GTF2H5: variants seen among roughly 807,000 people sequenced by gnomAD.
GTF2H5 encodes general transcription factor IIH subunit 5.
GTF2H5 carries 5 observed loss-of-function variants against 7.1 expected under a neutral mutation model. The observed-to-expected ratio is 0.71, with a 90% CI of 0.37 to 1.49. GTF2H5 has a LOEUF of 1.49. GTF2H5 is among the 40% of genes most tolerant of loss of function. The pLI, the probability that GTF2H5 is intolerant of heterozygous loss-of-function variation, is 0.03. For missense variants in GTF2H5, 80 were observed against 83.0 expected (o/e 0.96, Z 0.14); for synonymous variants, 30 against 31.7 (o/e 0.95, Z 0.18).
Position 158,170,450 on chromosome 6 carries a change from T to G in GTF2H5, c.-34-20T>G, listed in dbSNP as rs981983217. The G allele has an allele frequency of 3.3e-5, 47 of 1,425,324 alleles. No individual in the cohort carries two copies. Among genetic ancestry groups the G allele is most frequent in the Non-Finnish European group, 4.1e-5 (41 of 1,008,672 alleles). The allele number at this position is 1,425,324 out of a possible 1,614,324, so 88.3% of individuals were successfully genotyped here. On this transcript the variant is annotated intron_variant, in intron 1 of 2. Coordinates refer to ENST00000607778, the MANE Select transcript of GTF2H5 (RefSeq NM_207118.3). The stretch of plus-strand genomic sequence containing the variant: ...AAGTTAATGATTTTTAATTTAATGT[T>G]ACCTTACTCTTTTTATTAGCATTCT...
intron 2 of GTF2H5, 149 bp downstream of exon 2, chr6:158,170,687 C>T: frequency 1.5e-6 from 1 of 677,976 alleles, no homozygotes; most frequent in East Asian, 2.7e-5. Context: ...TGTTGCAAAG[C>T]TCCTGGTGCC....
In GTF2H5 at chr6:158,169,457, A is replaced by ATTG. The variant is rs1583624002; in HGVS notation, c.-34-1012_-34-1011insTGT. Among the ~76,000 whole-genome samples, 6 of 64,180 alleles carry ATTG rather than the reference A, an allele frequency of 9.3e-5. 1 individual carries two copies. In the East Asian group the frequency reaches 2.4e-3, roughly 26 times the overall value. 42.1% of individuals were successfully genotyped at this position (64,180 alleles called of 152,430 possible). A position where few individuals can be genotyped will look rare whatever the true frequency, so the allele number is the denominator to read the frequency against. ...GTATATTATATATATTATATATTATATATATTATATTGTATATTATATATA... is the reference window on the plus strand; with the variant it reads ...GTATATTATATATATTATATATTATATTGTATATTATATTGTATATTATATATA... On this transcript the variant is annotated intron_variant, in intron 1 of 2. Transcript: ENST00000607778.
intron 2 of GTF2H5, among the ~76,000 whole-genome samples, chr6:158,187,654 G>A (rs1003622076): frequency 4.6e-5 from 7 of 152,060 alleles, no homozygotes; most frequent in Admixed American, 2.0e-4. Flanking sequence ...TGCAAGCTCC[G>A]CCTCCCAGGT....
rs141529560 is a variant in GTF2H5, at chr6:158,182,051, C to T, written c.36-9926C>T. 3.9e-3 allele frequency among the ~76,000 whole-genome samples: 593 copies of T among 152,278 alleles called. 6 individuals carry two copies. The highest frequency in any genetic ancestry group is 0.014 in the African/African-American group (568 of 41,558). ...CCATGTTTAGTGTTTCCTTCAGGAG[C>T]TCTTGTAAGACAGGCCTGATGGTGA... On this transcript the variant is annotated intron_variant, in intron 2 of 2. Transcript: ENST00000607778.
rs1777146965 is a variant in GTF2H5 at position 158,198,517 on chromosome 6, C to G, written c.*6360C>G. On this transcript the variant is annotated 3_prime_UTR_variant, in exon 3 of 3. Coordinates refer to ENST00000607778, the MANE Select transcript of GTF2H5 (RefSeq NM_207118.3). ...GCGCAAACTCGGCTCACTGCAACCT[C>G]CCAGGTTCAAGCAATTCTCGTGCCT... The G allele has an allele frequency of 6.6e-6, 1 of 152,232 alleles. No individual in the cohort carries two copies. The highest frequency in any genetic ancestry group is 1.5e-5 in the Non-Finnish European group (1 of 68,052). The allele number at this position is 152,232 out of a possible 1,614,324, so 9.4% of individuals were successfully genotyped here. A position where few individuals can be genotyped will look rare whatever the true frequency, so the allele number is the denominator to read the frequency against.
chr6:158,198,857 T>A lies in GTF2H5; in HGVS notation c.*6700T>A, dbSNP rs1361543602. The A allele has an allele frequency of 6.6e-6, 1 of 152,212 alleles. No homozygotes were observed. Among genetic ancestry groups the A allele is most frequent in the African/African-American group, 2.4e-5 (1 of 41,452 alleles). The allele number at this position is 152,212 out of a possible 1,614,324, so 9.4% of individuals were successfully genotyped here. On this transcript the variant is annotated 3_prime_UTR_variant, in exon 3 of 3. Coordinates refer to ENST00000607778, the MANE Select transcript of GTF2H5 (RefSeq NM_207118.3). ...CCTGCAGTTAATTATTTCTTTGAAATTTTAAAACTTCTTAATGTTGCCTGG... is the reference window on the plus strand; with the variant it reads ...CCTGCAGTTAATTATTTCTTTGAAAATTTAAAACTTCTTAATGTTGCCTGG...
intron 1 of GTF2H5, among the ~76,000 whole-genome samples, chr6:158,169,945 A>G (rs1028477266): frequency 6.0e-5 from 9 of 150,392 alleles, no homozygotes; most frequent in African/African-American, 2.2e-4. Context: ...GCTTGAACCC[A>G]GGAGGCAAGA....
At chr6:158,177,179 T>A (rs1240772951) in intron 2 of GTF2H5, among the ~76,000 whole-genome samples, 1 of 152,218 alleles carries the variant, frequency 6.6e-6, no homozygotes, top group African/African-American at 2.4e-5. Context: ...TTTAAACCTC[T>A]CTGCCTATAT....
At chr6:158,172,740 C>G (rs1785874749) in intron 2 of GTF2H5, among the ~76,000 whole-genome samples, 1 of 152,162 alleles carries the variant, frequency 6.6e-6, no homozygotes, top group African/African-American at 2.4e-5. Context: ...TTCATCCCTT[C>G]CCACATTCAT....
intron 2 of GTF2H5, among the ~76,000 whole-genome samples, chr6:158,178,120 G>T (rs1325526737): frequency 1.3e-5 from 2 of 152,100 alleles, no homozygotes; most frequent in Non-Finnish European, 2.9e-5. Flanking sequence ...GGTATTTCTA[G>T]TTCTAGATCC....
intron 1 of GTF2H5, among the ~76,000 whole-genome samples, chr6:158,169,585 A>G (rs190950320): frequency 2.3e-5 from 2 of 88,742 alleles, no homozygotes; most frequent in Non-Finnish European, 1.9e-5. Context: ...TATTATATAT[A>G]ATATATTGTA....
chr6:158,188,458 C>T (rs1384923376), intron 2 of GTF2H5, among the ~76,000 whole-genome samples: 1 of 152,180 alleles, frequency 6.6e-6, no homozygotes, highest in African/African-American at 2.4e-5. Context: ...GCAATATCAT[C>T]GGGAAGCACC....
At position 158,197,564 on chromosome 6, in the gene GTF2H5, T is replaced by C. The variant is rs1405456196; in HGVS notation, c.*5407T>C. 6.6e-6 allele frequency: 1 copy of C among 152,230 alleles called. No individual in the cohort carries two copies. The allele number at this position is 152,230 out of a possible 1,614,324, so 9.4% of individuals were successfully genotyped here. On this transcript the variant is annotated 3_prime_UTR_variant, in exon 3 of 3. Coordinates refer to ENST00000607778, the MANE Select transcript of GTF2H5 (RefSeq NM_207118.3). ...AGCAAAGGTCATGGTAACAGTTTTTTGGATCCTCAAGTCATTTTGCTTGTT... is the reference window on the plus strand; with the variant it reads ...AGCAAAGGTCATGGTAACAGTTTTTCGGATCCTCAAGTCATTTTGCTTGTT...
chr6:158,199,240 T>C lies in GTF2H5; in HGVS notation c.*7083T>C, dbSNP rs1434876461. The stretch of plus-strand genomic sequence containing the variant: ...TTAAGTACAGTGTTCACTCTTTGGG[T>C]AATGTGTACAATAGAAGCCCAATCC... On this transcript the variant is annotated 3_prime_UTR_variant, in exon 3 of 3. Transcript: ENST00000607778. 6.6e-6 allele frequency: 1 copy of C among 151,380 alleles called. No homozygotes were observed. The highest frequency in any genetic ancestry group is 1.5e-5 in the Non-Finnish European group (1 of 68,030). 9.4% of individuals were successfully genotyped at this position (151,380 alleles called of 1,614,324 possible).
chr6:158,188,415 T>C (rs1311189880), intron 2 of GTF2H5, among the ~76,000 whole-genome samples: 1 of 152,198 alleles, frequency 6.6e-6, no homozygotes, highest in African/African-American at 2.4e-5. Flanking sequence ...GAAACTTTGG[T>C]TTCTCTGTCC....
chr6:158,189,240 C>T (rs1487632055), intron 2 of GTF2H5, among the ~76,000 whole-genome samples: 2 of 151,976 alleles, frequency 1.3e-5, no homozygotes, highest in African/African-American at 4.8e-5. Context: ...GAAATTCTCC[C>T]TCCCTCTTCC....
chr6:158,187,224 GACCTCAGGTGATCCACCC>G (rs1365377068), intron 2 of GTF2H5, among the ~76,000 whole-genome samples: 1 of 151,930 alleles, frequency 6.6e-6, no homozygotes, highest in Non-Finnish European at 1.5e-5. Flanking sequence ...TCGAACTCCT[GACCTCAGGTGATCCACCC>G]ACCTCAGCCT....
In GTF2H5 at chr6:158,195,887, T is replaced by G. The variant is rs1777099104; in HGVS notation, c.*3730T>G. The G allele has an allele frequency of 6.6e-6, 1 of 152,228 alleles. No homozygotes were observed. The highest frequency in any genetic ancestry group is 1.5e-5 in the Non-Finnish European group (1 of 68,038). The allele number at this position is 152,228 out of a possible 1,614,324, so 9.4% of individuals were successfully genotyped here. A position where few individuals can be genotyped will look rare whatever the true frequency, so the allele number is the denominator to read the frequency against. ...ATAAATATTCTCAAGTGTACGTAGCTCAATTTCATTTGCAGCAAAGATAAC... is the reference window on the plus strand; with the variant it reads ...ATAAATATTCTCAAGTGTACGTAGCGCAATTTCATTTGCAGCAAAGATAAC... On this transcript the variant is annotated 3_prime_UTR_variant, in exon 3 of 3. Transcript: ENST00000607778.
chr6:158,188,379 A>G (rs945214186), intron 2 of GTF2H5, among the ~76,000 whole-genome samples: 1 of 152,234 alleles, frequency 6.6e-6, no homozygotes, highest in Non-Finnish European at 1.5e-5. Context: ...GAGTCTGAGT[A>G]GAAAAACAAT....
Sources: allele counts gnomAD v4.1 joint callset (sites outside exome capture counted in the v4.1 genomes callset), GRCh38; gene constraint gnomAD v4.1.1; transcripts MANE v1.5; gene names NCBI Gene and HGNC (gene_info 2026-07-23, HGNC 2026-07-21).